Variants in HS6ST3 observed in about 807,000 individuals in gnomAD.
HS6ST3 encodes the protein heparan-sulfate 6-O-sulfotransferase 3.
Under a neutral mutation model 36.7 loss-of-function variants are expected in HS6ST3, and 12 were observed. That is an observed-to-expected ratio of 0.33 (90% CI 0.21 to 0.53). The LOEUF (loss-of-function observed/expected upper bound fraction) is 0.53. Among genes scored for constraint, HS6ST3 ranks in the 20% least tolerant of loss-of-function variants. HS6ST3 has a pLI of 0.95. For missense variants in HS6ST3, 584 were observed against 640.9 expected (o/e 0.91, Z 0.96); for synonymous variants, 240 against 257.5 (o/e 0.93, Z 0.65).
intron 1 of HS6ST3, among the ~76,000 whole-genome samples, chr13:96,805,933 G>A (rs955424749): frequency 1.3e-5 from 2 of 152,188 alleles, no homozygotes; most frequent in Admixed American, 6.5e-5. Flanking sequence ...TTTCATGAAT[G>A]CAGGACTCTA....
chr13:96,535,094 TTGTAGGCAGAGAGTCC>T (rs1215765347), intron 1 of HS6ST3, among the ~76,000 whole-genome samples: 2 of 152,066 alleles, frequency 1.3e-5, no homozygotes, highest in Non-Finnish European at 2.9e-5. Flanking sequence ...GGGTAAGTCA[TTGTAGGCAGAGAGTCC>T]TGAATAATGT....
intron 1 of HS6ST3, among the ~76,000 whole-genome samples, chr13:96,277,337 G>T (rs764955854): frequency 4.6e-5 from 7 of 152,044 alleles, no homozygotes; most frequent in Non-Finnish European, 7.4e-5. Flanking sequence ...TAAATTGGTT[G>T]CAACCAGAGA....
intron 1 of HS6ST3, among the ~76,000 whole-genome samples, chr13:96,394,600 A>G (rs1056727521): frequency 5.3e-5 from 8 of 152,228 alleles, no homozygotes; most frequent in Non-Finnish European, 1.5e-5. Context: ...TGGTAGAAAT[A>G]TCATTTGTAT....
chr13:96,290,744 G>A (rs932284712), intron 1 of HS6ST3, among the ~76,000 whole-genome samples: 1 of 152,152 alleles, frequency 6.6e-6, no homozygotes. Flanking sequence ...ACCCACCTAT[G>A]GCTTCCCACC....
intron 1 of HS6ST3, among the ~76,000 whole-genome samples, chr13:96,447,336 G>C (rs890504670): frequency 6.6e-6 from 1 of 152,054 alleles, no homozygotes; most frequent in East Asian, 1.9e-4. Context: ...ACCTGCACTT[G>C]TGTACCCCTC....
intron 1 of HS6ST3, among the ~76,000 whole-genome samples, chr13:96,761,473 A>C (rs1035442600): frequency 1.3e-5 from 2 of 151,898 alleles, no homozygotes; most frequent in Non-Finnish European, 2.9e-5. Flanking sequence ...CAAGTAAGTA[A>C]ATATATAAAC....
At chr13:96,315,690 A>T (rs913385507) in intron 1 of HS6ST3, among the ~76,000 whole-genome samples, 16 of 151,498 alleles carry the variant, frequency 1.1e-4, no homozygotes, top group East Asian at 3.9e-4. Flanking sequence ...ATTTTTTTTT[A>T]AAAAAAGGAC....
chr13:96,257,661 G>A (rs1353801588), intron 1 of HS6ST3, among the ~76,000 whole-genome samples: 2 of 152,106 alleles, frequency 1.3e-5, no homozygotes, highest in South Asian at 2.1e-4. Flanking sequence ...TTAGCAAGAA[G>A]CATATACATA....
Position 96,471,962 on chromosome 13 carries a change from C to T in HS6ST3, c.708-360528C>T, listed in dbSNP as rs114544363. 2.5e-3 allele frequency among the ~76,000 whole-genome samples: 386 copies of T among 152,240 alleles called. 2 individuals are homozygous for T. Among genetic ancestry groups the T allele is most frequent in the African/African-American group, 8.9e-3 (368 of 41,556 alleles). On this transcript the variant is annotated intron_variant, in intron 1 of 1. Coordinates refer to ENST00000376705, the MANE Select transcript of HS6ST3 (RefSeq NM_153456.4). ...TTGGGTTTGGTGCTTCTTCAAGGAT[C>T]GGAACTGAAGAGGCAGAGGCTACCT... is the stretch of plus-strand genomic sequence containing the variant.
chr13:96,707,966 A>G (rs1875468810), intron 1 of HS6ST3, among the ~76,000 whole-genome samples: 1 of 152,196 alleles, frequency 6.6e-6, no homozygotes, highest in Non-Finnish European at 1.5e-5. Context: ...GGAGTTAGTG[A>G]GGTTTGCTGA....
intron 1 of HS6ST3, among the ~76,000 whole-genome samples, chr13:96,274,540 G>C (rs2054738004): frequency 6.6e-6 from 1 of 152,068 alleles, no homozygotes; most frequent in Non-Finnish European, 1.5e-5. Context: ...TTGAGTTATT[G>C]CTGGAATTTG....
chr13:96,682,993 C>T (rs1222130087), intron 1 of HS6ST3, among the ~76,000 whole-genome samples: 1 of 151,942 alleles, frequency 6.6e-6, no homozygotes, highest in East Asian at 1.9e-4. Flanking sequence ...AACAACTTAC[C>T]TGCATTGAAT....
At chr13:96,524,456 C>G (rs2056105813) in intron 1 of HS6ST3, among the ~76,000 whole-genome samples, 1 of 152,212 alleles carries the variant, frequency 6.6e-6, no homozygotes, top group African/African-American at 2.4e-5. Flanking sequence ...CAGATATACC[C>G]TGCCCCCAGA....
chr13:96,424,594 A>G (rs1034364447), intron 1 of HS6ST3, among the ~76,000 whole-genome samples: 1 of 152,146 alleles, frequency 6.6e-6, no homozygotes, highest in Non-Finnish European at 1.5e-5. Flanking sequence ...GATAGGTTCA[A>G]TGTCTGCTAA....
intron 1 of HS6ST3, among the ~76,000 whole-genome samples, chr13:96,195,970 G>A (rs1208299866): frequency 3.3e-5 from 5 of 152,116 alleles, no homozygotes; most frequent in African/African-American, 1.2e-4. Flanking sequence ...GCTCTTAAGA[G>A]TAGGCTTGAG....
At chr13:96,221,054 A>T (rs1293446164) in intron 1 of HS6ST3, among the ~76,000 whole-genome samples, 1 of 152,188 alleles carries the variant, frequency 6.6e-6, no homozygotes, top group East Asian at 1.9e-4. Context: ...ATAAAGAAGA[A>T]AATTTACCTT....
In HS6ST3 at chr13:96,459,537, C is replaced by T. The variant is rs184614453; in HGVS notation, c.707+367968C>T. Among the ~76,000 whole-genome samples the T allele has an allele frequency of 5.9e-5, 9 of 152,208 alleles. No individual in the cohort carries two copies. In the East Asian group the frequency reaches 9.7e-4, roughly 16 times the overall value. ...GTAGGTCAGTTAATATTTCTGCTATCGGGGTAGGCACGCAGTTTTGGAAAG... is the reference window on the plus strand; with the variant it reads ...GTAGGTCAGTTAATATTTCTGCTATTGGGGTAGGCACGCAGTTTTGGAAAG... On this transcript the variant is annotated intron_variant, in intron 1 of 1. Transcript: ENST00000376705.
intron 1 of HS6ST3, among the ~76,000 whole-genome samples, chr13:96,110,157 G>A (rs545225582): frequency 1.1e-4 from 16 of 152,176 alleles, no homozygotes; most frequent in African/African-American, 3.6e-4. Context: ...GCTTCTGCTT[G>A]GCTTCTGGTG....
At chr13:96,372,367 A>AT (rs1283676007) in intron 1 of HS6ST3, among the ~76,000 whole-genome samples, 1 of 152,020 alleles carries the variant, frequency 6.6e-6, no homozygotes. Context: ...TTCCTTGTAT[A>AT]TTTTGGATAC....
Sources: gnomAD v4.1 joint callset for allele counts (sites outside exome capture counted in the v4.1 genomes callset) on GRCh38, gnomAD v4.1.1 for gene constraint, MANE v1.5 for transcripts, NCBI Gene and HGNC (gene_info 2026-07-23, HGNC 2026-07-21) for gene names.